Variants in TOR1B observed in about 807,000 individuals in gnomAD.
The protein encoded by TOR1B is torsin-1B.
Under a neutral mutation model 29.2 loss-of-function variants are expected in TOR1B, and 14 were observed. That is an observed-to-expected ratio of 0.48 (90% confidence interval 0.32 to 0.75). The LOEUF (loss-of-function observed/expected upper bound fraction) is 0.75. TOR1B is among the 30% of genes least tolerant of loss of function. TOR1B has a pLI of 0.04. For synonymous variants in TOR1B, 166 were observed against 179.8 expected (o/e 0.92, Z 0.62); for missense variants, 400 against 433.9 (o/e 0.92, Z 0.69).
Position 129,803,557 on chromosome 9 carries a change from G to A in TOR1B, c.199+146G>A, listed in dbSNP as rs1433782339. 17 of 950,462 alleles carry A rather than the reference G, an allele frequency of 1.8e-5. No homozygotes were observed. In the Admixed American group the frequency reaches 7.5e-4, roughly 42 times the overall value. 58.9% of individuals were successfully genotyped at this position (950,462 alleles called of 1,614,324 possible). Reference sequence around the variant, plus strand: ...GTCCCAGCTGGGGTGGGCGGGGAGCGGATGGGGCGGCCCCGGAACCGTTCG... The same window carrying A: ...GTCCCAGCTGGGGTGGGCGGGGAGCAGATGGGGCGGCCCCGGAACCGTTCG... On this transcript the variant is annotated intron_variant, in intron 1 of 4. Transcript: ENST00000259339.
chr9:129,804,487 C>T lies in TOR1B; in HGVS notation c.465+149C>T, dbSNP rs1482318285. 7 of 950,174 alleles carry T rather than the reference C, an allele frequency of 7.4e-6. No homozygotes were observed. The African/African-American group carries it at 1.1e-4, about 16-fold the overall frequency. 58.9% of individuals were successfully genotyped at this position (950,174 alleles called of 1,614,324 possible). On this transcript the variant is annotated intron_variant, in intron 2 of 4. Coordinates refer to ENST00000259339, the MANE Select transcript of TOR1B (RefSeq NM_014506.3). ...AAGGCACACTTAGTCCAGGTAGTTACAAAGCTCTCCTACAACATTTCTCTT... is the reference window on the plus strand; with the variant it reads ...AAGGCACACTTAGTCCAGGTAGTTATAAAGCTCTCCTACAACATTTCTCTT...
At position 129,803,312 on chromosome 9, in the gene TOR1B, A is replaced by G. The variant is rs921303147; in HGVS notation, c.100A>G (p.Ile34Val). 6 of 1,590,344 alleles carry G rather than the reference A, an allele frequency of 3.8e-6. No individual in the cohort carries two copies. The highest frequency in any genetic ancestry group is 1.1e-5 in the South Asian group (1 of 88,436). ...AFEPITVGLAIGAASAITGYL... is the reference protein window; with the variant it reads ...AFEPITVGLAVGAASAITGYL... ...CGAGCCCATCACCGTGGGCCTAGCC[A>G]TCGGGGCCGCGTCGGCCATCACCGG... is the stretch of plus-strand genomic sequence containing the variant. Residue 34 changes from isoleucine (I) to valine (V), a missense_variant, in exon 1 of 5, where the codon ATC (isoleucine) becomes GTC (valine). Coordinates refer to ENST00000259339, the MANE Select transcript of TOR1B (RefSeq NM_014506.3).
chr9:129,803,712 G>A (rs2030301593), intron 1 of TOR1B, among the ~76,000 whole-genome samples: 1 of 152,230 alleles, frequency 6.6e-6, no homozygotes, highest in Non-Finnish European at 1.5e-5. Context: ...GCCCTTCTGC[G>A]CCCTGCCAAC....
At chr9:129,805,723 T>C (rs1381577457) in intron 2 of TOR1B, among the ~76,000 whole-genome samples, 1 of 152,250 alleles carries the variant, frequency 6.6e-6, no homozygotes, top group African/African-American at 2.4e-5. Context: ...GAGGTCTTTT[T>C]TCTCCTTAAC....
chr9:129,804,572 G>A (rs1169213481), intron 2 of TOR1B: 7 of 540,674 alleles, frequency 1.3e-5, no homozygotes, highest in Admixed American at 3.4e-5. Context: ...AAGATGGGGA[G>A]CCAAGGGCCT....
At chr9:129,804,906 AG>A (rs1001883569) in intron 2 of TOR1B, among the ~76,000 whole-genome samples, 1 of 144,616 alleles carries the variant, frequency 6.9e-6, no homozygotes, top group African/African-American at 2.6e-5. Flanking sequence ...TCGGAGGCCG[AG>A]GGGGGCGGAT....
At position 129,809,581 on chromosome 9, in the gene TOR1B, T is replaced by C; in HGVS notation, c.1009T>C (p.Ter337ArgextTer7). ...TGTGCAGTCGCGGCTGGATTTCCAC[T>C]GAGCTCCTATCCAGATGGGGTAGGA... The part of the protein sequence containing the change: ...KTVQSRLDFH[*>R] Residue 337 changes from the stop codon to arginine, a stop_lost, in exon 5 of 5, where the codon TGA becomes CGA. Coordinates refer to ENST00000259339, the MANE Select transcript of TOR1B (RefSeq NM_014506.3). 1.2e-6 allele frequency: 2 copies of C among 1,614,192 alleles called. No homozygotes were observed. Among genetic ancestry groups the C allele is most frequent in the Non-Finnish European group, 1.7e-6 (2 of 1,180,022 alleles).
Position 129,810,203 on chromosome 9 carries a change from T to G in TOR1B, c.*620T>G. The G allele has an allele frequency of 3.1e-6, 4 of 1,304,232 alleles. No homozygotes were observed. The highest frequency in any genetic ancestry group is 4.0e-6 in the Non-Finnish European group (4 of 988,952). The allele number at this position is 1,304,232 out of a possible 1,614,324, so 80.8% of individuals were successfully genotyped here. On this transcript the variant is annotated 3_prime_UTR_variant, in exon 5 of 5. Transcript: ENST00000259339. ...TTCTCATTGGCCAAAAACATCCTTT[T>G]GCTCTGTCTCGTTCTTTACACAGAG... is the stretch of plus-strand genomic sequence containing the variant.
At position 129,804,724 on chromosome 9, in the gene TOR1B, C is replaced by T. The variant is rs552538361; in HGVS notation, c.465+386C>T. Among the ~76,000 whole-genome samples the T allele has an allele frequency of 8.5e-4, 128 of 150,790 alleles. 2 individuals carry two copies. In the South Asian group the frequency reaches 0.022, roughly 26 times the overall value. On this transcript the variant is annotated intron_variant, in intron 2 of 4. Transcript: ENST00000259339. ...TAAAAGTACCAAAATTACCTGAGCA[C>T]GGTGGCACGCACCTGTAATCCCAGC...
At chr9:129,805,139 G>GA (rs34869382) in intron 2 of TOR1B, among the ~76,000 whole-genome samples, 4,650 of 105,376 alleles carry the variant, frequency 0.044, 97 homozygotes, top group Admixed American at 0.056. Context: ...CTCTGTCTCA[G>GA]AAAAAAAAAA....
rs2030676379 is a variant in TOR1B at position 129,809,034 on chromosome 9, T to TGAGTC, written c.769+3_769+7dup. On this transcript the variant is annotated splice_region_variant and intron_variant, in intron 4 of 4. Transcript: ENST00000259339. Reference sequence around the variant, plus strand: ...TCGGAGTCTTCAATAATAAACACAGTGAGTCCACCAGGGTAAAGGAGCCCC... The same window carrying TGAGTC: ...TCGGAGTCTTCAATAATAAACACAGTGAGTCGAGTCCACCAGGGTAAAGGAGCCCC... 3.1e-6 allele frequency: 5 copies of TGAGTC among 1,607,678 alleles called. No individual in the cohort carries two copies. Among genetic ancestry groups the TGAGTC allele is most frequent in the East Asian group, 2.2e-5 (1 of 44,804 alleles).
At chr9:129,806,227 A>T (rs922628510) in intron 2 of TOR1B, among the ~76,000 whole-genome samples, 2 of 152,218 alleles carry the variant, frequency 1.3e-5, no homozygotes, top group African/African-American at 4.8e-5. Flanking sequence ...CTGACGTGAG[A>T]CAGGGAAGAC....
intron 3 of TOR1B, among the ~76,000 whole-genome samples, chr9:129,807,623 C>T (rs1243186750): frequency 3.3e-5 from 5 of 151,834 alleles, no homozygotes; most frequent in African/African-American, 7.3e-5. Flanking sequence ...GAGGCCATGG[C>T]GGGCGGATCA....
At position 129,804,172 on chromosome 9, in the gene TOR1B, A is replaced by G; in HGVS notation, c.299A>G (p.Lys100Arg). 5 of 1,614,240 alleles carry G rather than the reference A, an allele frequency of 3.1e-6. No homozygotes were observed. The highest frequency in any genetic ancestry group is 3.4e-6 in the Non-Finnish European group (4 of 1,180,054). The change falls in exon 2 of 5, where the codon AAG becomes AGG. Residue 100 changes from lysine (K) to arginine (R), a missense_variant. Transcript: ENST00000259339. ...LTGFRNNKNP[K>R]KPLTLSLHGW... Reference sequence around the variant, plus strand: ...GGCTTCAGGAACAACAAAAATCCCAAGAAACCACTGACCCTTTCCTTACAC... The same window carrying G: ...GGCTTCAGGAACAACAAAAATCCCAGGAAACCACTGACCCTTTCCTTACAC...
intron 1 of TOR1B, 32 bp downstream of exon 1, chr9:129,803,443 C>G: frequency 7.7e-7 from 1 of 1,305,342 alleles, no homozygotes. Context: ...TGGGTCGGCG[C>G]TGCGGGGGGC....
chr9:129,810,507 A>C lies in TOR1B; in HGVS notation c.*924A>C. The C allele has an allele frequency of 5.7e-5, 58 of 1,010,156 alleles. No homozygotes were observed. Among genetic ancestry groups the C allele is most frequent in the Non-Finnish European group, 6.9e-5 (55 of 798,062 alleles). The allele number at this position is 1,010,156 out of a possible 1,614,324, so 62.6% of individuals were successfully genotyped here. A position where few individuals can be genotyped will look rare whatever the true frequency, so the allele number is the denominator to read the frequency against. On this transcript the variant is annotated 3_prime_UTR_variant, in exon 5 of 5. Transcript: ENST00000259339. ...CCCAGCCTGCCTTGTGCCATATCTC[A>C]GCTTGGATCTCTGCTAGAGTCCCCC...
Position 129,809,508 on chromosome 9 carries a change from G to A in TOR1B, c.936G>A (p.Thr312=), listed in dbSNP as rs770074021. 21 of 1,614,072 alleles carry A rather than the reference G, an allele frequency of 1.3e-5. No homozygotes were observed. The highest frequency in any genetic ancestry group is 1.2e-4 in the African/African-American group (9 of 74,906). The part of the protein sequence containing the change: ...DIVTRVAEEM[T]FFPRDEKIYS... Reference sequence around the variant, plus strand: ...TCACAAGAGTGGCAGAGGAAATGACGTTTTTCCCCAGAGACGAGAAAATCT... The same window carrying A: ...TCACAAGAGTGGCAGAGGAAATGACATTTTTCCCCAGAGACGAGAAAATCT... Residue 312 remains threonine, a synonymous_variant, in exon 5 of 5, where the codon ACG becomes ACA. Transcript: ENST00000259339.
At chr9:129,803,780 G>A (rs562396483) in intron 1 of TOR1B, among the ~76,000 whole-genome samples, 1 of 152,334 alleles carries the variant, frequency 6.6e-6, no homozygotes, top group East Asian at 1.9e-4. Flanking sequence ...TTTGGCCCCT[G>A]GTTTTCCTGC....
At position 129,807,224 on chromosome 9, in the gene TOR1B, G is replaced by A. The variant is rs761716551; in HGVS notation, c.502G>A (p.Ala168Thr). The A allele has an allele frequency of 3.1e-6, 5 of 1,614,018 alleles. No homozygotes were observed. Among genetic ancestry groups the A allele is most frequent in the Admixed American group, 3.3e-5 (2 of 59,998 alleles). Residue 168 changes from alanine to threonine, a missense_variant, in exon 3 of 5, where the codon GCA (alanine) becomes ACA (threonine). Coordinates refer to ENST00000259339, the MANE Select transcript of TOR1B (RefSeq NM_014506.3). ...GAAGTGGATCCGCGGTAATGTGAGT[G>A]CATGTGCGAACTCTGTTTTCATATT... is the stretch of plus-strand genomic sequence containing the variant. ...LQKWIRGNVS[A>T]CANSVFIFDE...
Sources: allele counts gnomAD v4.1 joint callset (sites outside exome capture counted in the v4.1 genomes callset), GRCh38; gene constraint gnomAD v4.1.1; transcripts MANE v1.5; gene names NCBI Gene and HGNC (gene_info 2026-07-23, HGNC 2026-07-21).